The following GLI4 variants were observed in gnomAD, a reference collection of about 807,000 sequenced individuals.
The protein encoded by GLI4 is zinc finger protein GLI4.
GLI4 carries 34 observed loss-of-function variants against 30.9 expected under a neutral mutation model. That is an observed-to-expected ratio of 1.10 (90% CI 0.84 to 1.47). GLI4 has a LOEUF of 1.47. Among genes scored for constraint, GLI4 ranks in the 40% most tolerant of loss-of-function variants. GLI4 has a pLI of 0.00. For missense variants in GLI4, 696 were observed against 538.9 expected (o/e 1.29, Z -2.89); for synonymous variants, 277 against 236.7 (o/e 1.17, Z -1.56).
chr8:143,274,303 G>A (rs1313644067), intron 2 of GLI4, among the ~76,000 whole-genome samples: 3 of 152,246 alleles, frequency 2.0e-5, no homozygotes, highest in African/African-American at 7.2e-5. Context: ...GGGTGTGGGA[G>A]CCTGCAGGGC....
At chr8:143,267,792 G>A (rs1468201505) in intron 1 of GLI4, 1 of 985,290 alleles carries the variant, frequency 1.0e-6, no homozygotes, top group Non-Finnish European at 1.2e-6. Flanking sequence ...GGGAAACTGA[G>A]GCCCGGAGGT....
intron 1 of GLI4, chr8:143,268,050 C>G: frequency 3.0e-6 from 3 of 985,414 alleles, no homozygotes; most frequent in Non-Finnish European, 3.6e-6. Flanking sequence ...TCCTGGGGGC[C>G]AAGCCAGGGT....
chr8:143,268,449 C>T (rs1216563421), intron 1 of GLI4, among the ~76,000 whole-genome samples: 6 of 152,208 alleles, frequency 3.9e-5, no homozygotes, highest in Non-Finnish European at 7.3e-5. Context: ...TGTCTTGGAG[C>T]CCTGAGTGAG....
rs1815395974 is a variant in GLI4 at position 143,276,656 on chromosome 8, G to A, written c.983G>A (p.Cys328Tyr). ...TGEKPYECSDCGKAFRGRSHF... is the reference protein window; with the variant it reads ...TGEKPYECSDYGKAFRGRSHF... ...GAGAAGCCCTACGAGTGCTCCGACT[G>A]CGGCAAAGCCTTCCGCGGCCGCTCG... The change falls in exon 4 of 4, where the codon TGC becomes TAC. Residue 328 changes from cysteine to tyrosine, a missense_variant. Cys to Tyr is a radical substitution (Grantham distance 194). Coordinates refer to ENST00000340042, the MANE Select transcript of GLI4 (RefSeq NM_138465.4). 6.2e-7 allele frequency: 1 copy of A among 1,612,228 alleles called. No homozygotes were observed. The highest frequency in any genetic ancestry group is 8.5e-7 in the Non-Finnish European group (1 of 1,179,610).
At chr8:143,275,269 C>T (rs765268283) in intron 3 of GLI4, 67 of 1,508,836 alleles carry the variant, frequency 4.4e-5, no homozygotes, top group African/African-American at 2.3e-4. Flanking sequence ...CCCAGGGTTC[C>T]CTCTGGGCGA....
In GLI4 at chr8:143,274,749, T is replaced by C; in HGVS notation, c.170T>C (p.Leu57Pro). ...AAGGTGCTCTCCCAGCCGTCCGACC[T>C]GGATCTCCAAGACGTAGAGGAAGTG... ...SPKVLSQPSD[L>P]DLQDVEEVEI... The change falls in exon 3 of 4, where the codon CTG becomes CCG. Residue 57 changes from leucine (L) to proline (P), a missense_variant. Coordinates refer to ENST00000340042, the MANE Select transcript of GLI4 (RefSeq NM_138465.4). The C allele has an allele frequency of 1.3e-6, 2 of 1,571,944 alleles. No homozygotes were observed. Among genetic ancestry groups the C allele is most frequent in the Non-Finnish European group, 1.7e-6 (2 of 1,156,828 alleles).
At position 143,276,437 on chromosome 8, in the gene GLI4, C is replaced by T. The variant is rs781444899; in HGVS notation, c.764C>T (p.Thr255Met). Residue 255 changes from threonine to methionine, a missense_variant, in exon 4 of 4, where the codon ACG becomes ATG. Transcript: ENST00000340042. ...GRAFSHSSHF[T>M]QHLRIHNGEK... Reference sequence around the variant, plus strand: ...GCCTTCAGCCACAGCTCGCACTTCACGCAGCACCTGCGCATCCACAACGGC... The same window carrying T: ...GCCTTCAGCCACAGCTCGCACTTCATGCAGCACCTGCGCATCCACAACGGC... 50 of 1,609,120 alleles carry T rather than the reference C, an allele frequency of 3.1e-5. No homozygotes were observed. The highest frequency in any genetic ancestry group is 4.2e-5 in the Non-Finnish European group (50 of 1,178,794).
At chr8:143,274,889 T>G in intron 3 of GLI4, 87 bp downstream of exon 3, 1 of 1,498,456 alleles carries the variant, frequency 6.7e-7, no homozygotes, top group Non-Finnish European at 9.0e-7. Flanking sequence ...GCACCCCCAA[T>G]GCTGGCACCA....
In GLI4 at chr8:143,276,444, C is replaced by A; in HGVS notation, c.771C>A (p.His257Gln). 6.2e-7 allele frequency: 1 copy of A among 1,612,824 alleles called. No individual in the cohort carries two copies. Residue 257 changes from histidine (H) to glutamine (Q), a missense_variant, in exon 4 of 4, where the codon CAC becomes CAA. Coordinates refer to ENST00000340042, the MANE Select transcript of GLI4 (RefSeq NM_138465.4). ...AFSHSSHFTQ[H>Q]LRIHNGEKPY... Reference sequence around the variant, plus strand: ...GCCACAGCTCGCACTTCACGCAGCACCTGCGCATCCACAACGGCGAGAAGC... The same window carrying A: ...GCCACAGCTCGCACTTCACGCAGCAACTGCGCATCCACAACGGCGAGAAGC...
chr8:143,273,837 C>T (rs1003094657), intron 2 of GLI4, among the ~76,000 whole-genome samples: 3 of 151,736 alleles, frequency 2.0e-5, no homozygotes, highest in African/African-American at 4.8e-5. Context: ...GGGCAGAGGG[C>T]AGGTGAGGCA....
At chr8:143,275,257 C>T (rs868245700) in intron 3 of GLI4, 10 of 1,520,270 alleles carry the variant, frequency 6.6e-6, no homozygotes, top group African/African-American at 4.1e-5. Flanking sequence ...CCTTGAGAAG[C>T]TCCCAGGGTT....
chr8:143,269,782 G>C (rs2129664954), intron 2 of GLI4, among the ~76,000 whole-genome samples: 1 of 152,340 alleles, frequency 6.6e-6, no homozygotes, highest in African/African-American at 2.4e-5. Flanking sequence ...TTTCTTTCCT[G>C]AGTTGAGGTA....
At chr8:143,268,904 C>T (rs1483015970) in intron 1 of GLI4, among the ~76,000 whole-genome samples, 3 of 121,682 alleles carry the variant, frequency 2.5e-5, no homozygotes, top group East Asian at 2.4e-4. Flanking sequence ...AGTGCAGGGG[C>T]GCCATCTCGG....
At chr8:143,270,798 T>G (rs948170535) in intron 2 of GLI4, among the ~76,000 whole-genome samples, 1 of 152,118 alleles carries the variant, frequency 6.6e-6, no homozygotes, top group Non-Finnish European at 1.5e-5. Flanking sequence ...AGGTGTGACT[T>G]CTCTAGGGGG....
rs773386905 is a variant in GLI4 at position 143,276,642 on chromosome 8, C to T, written c.969C>T (p.Tyr323=). 6.2e-7 allele frequency: 1 copy of T among 1,612,452 alleles called. No individual in the cohort carries two copies. Among genetic ancestry groups the T allele is most frequent in the Non-Finnish European group, 8.5e-7 (1 of 1,179,732 alleles). ...HQRIHTGEKP[Y]ECSDCGKAFR... is the part of the protein sequence containing the mutation. The stretch of plus-strand genomic sequence containing the variant: ...GCATCCACACTGGCGAGAAGCCCTA[C>T]GAGTGCTCCGACTGCGGCAAAGCCT... The change falls in exon 4 of 4, where the codon TAC becomes TAT. Residue 323 remains tyrosine, a synonymous_variant. Coordinates refer to ENST00000340042, the MANE Select transcript of GLI4 (RefSeq NM_138465.4).
At chr8:143,273,773 G>A (rs1815320989) in intron 2 of GLI4, among the ~76,000 whole-genome samples, 2 of 152,218 alleles carry the variant, frequency 1.3e-5, no homozygotes, top group Admixed American at 6.5e-5. Flanking sequence ...GGCCTCACGG[G>A]GCTAAGAGAC....
At chr8:143,275,217 G>A (rs1475912779) in intron 3 of GLI4, 1 of 1,535,100 alleles carries the variant, frequency 6.5e-7, no homozygotes. Flanking sequence ...CAGCCTGGTT[G>A]GAGCTGTGTC....
chr8:143,276,810 C>CG lies in GLI4; in HGVS notation c.*11dup, dbSNP rs749714750. ...GGGTGCACTACCGCGAGTAGCCGGG[C>CG]GGGGGCTCGGGGCTCGGCCTCCTAC... On this transcript the variant is annotated 3_prime_UTR_variant, in exon 4 of 4. Transcript: ENST00000340042. The CG allele has an allele frequency of 2.0e-5, 30 of 1,524,872 alleles. No homozygotes were observed. Among genetic ancestry groups the CG allele is most frequent in the South Asian group, 1.5e-4 (12 of 80,836 alleles). The allele number at this position is 1,524,872 out of a possible 1,614,324, so 94.5% of individuals were successfully genotyped here. A position where few individuals can be genotyped will look rare whatever the true frequency, so the allele number is the denominator to read the frequency against.
Position 143,276,104 on chromosome 8 carries a change from G to T in GLI4, c.431G>T (p.Arg144Leu). The T allele has an allele frequency of 6.9e-7, 1 of 1,439,150 alleles. No homozygotes were observed. 89.1% of individuals were successfully genotyped at this position (1,439,150 alleles called of 1,614,324 possible). ...VPCAQPRGAW[R>L]VTLVQQAAAG... The stretch of plus-strand genomic sequence containing the variant: ...TGCGCCCAGCCGCGGGGCGCCTGGC[G>T]CGTGACGCTCGTGCAGCAAGCAGCG... Residue 144 changes from arginine (R) to leucine (L), a missense_variant, in exon 4 of 4, where the codon CGC becomes CTC. Transcript: ENST00000340042.
Sources: allele counts gnomAD v4.1 joint callset (sites outside exome capture counted in the v4.1 genomes callset), GRCh38; gene constraint gnomAD v4.1.1; transcripts MANE v1.5; gene names NCBI Gene and HGNC (gene_info 2026-07-23, HGNC 2026-07-21).